The following ATP13A4 variants were observed in gnomAD, a reference collection of about 807,000 sequenced individuals.
The protein encoded by ATP13A4 is probable cation-transporting ATPase 13A4.
In ATP13A4, 114 loss-of-function variants were observed where a neutral mutation model predicts 142.5. The observed-to-expected ratio is 0.80, with a 90% CI of 0.69 to 0.93. The LOEUF is 0.93. ATP13A4 is among the 40% of genes least tolerant of loss of function. ATP13A4 has a pLI of 0.00. For missense variants in ATP13A4, 1,392 were observed against 1,454.0 expected, an observed-to-expected ratio of 0.96 and a Z score of 0.69; for synonymous variants, 488 against 514.8, an observed-to-expected ratio of 0.95 and a Z score of 0.70.
chr3:193,506,671 TG>T (rs1438697397), intron 2 of ATP13A4, among the ~76,000 whole-genome samples: 2 of 152,080 alleles, frequency 1.3e-5, no homozygotes, highest in South Asian at 2.1e-4. Flanking sequence ...AGGGACCCAG[TG>T]GGGGGTAATT....
At chr3:193,542,989 C>A (rs941756405) in intron 1 of ATP13A4, among the ~76,000 whole-genome samples, 6 of 151,980 alleles carry the variant, frequency 3.9e-5, no homozygotes, top group Non-Finnish European at 8.8e-5. Context: ...CATGGTGAAA[C>A]CCTGTCTCTA....
chr3:193,545,322 C>T (rs1045943373), intron 1 of ATP13A4, among the ~76,000 whole-genome samples: 1 of 152,166 alleles, frequency 6.6e-6, no homozygotes, highest in African/African-American at 2.4e-5. Flanking sequence ...TGCATGTGTA[C>T]CCACTGAAAT....
In ATP13A4 at chr3:193,491,301, C is replaced by T. The variant is rs755831561; in HGVS notation, c.603+28G>A. The T allele has an allele frequency of 4.5e-6, 7 of 1,539,898 alleles. 1 individual carries two copies. The South Asian group carries it at 6.7e-5, about 15-fold the overall frequency. ...CCAAACTTCCTTATTTTCTGTCCAA[C>T]ACCAAGAGAAAATGCTGGAGAAATT... On this transcript the variant is annotated intron_variant, in intron 6 of 29. Coordinates refer to ENST00000342695, the MANE Select transcript of ATP13A4 (RefSeq NM_032279.4).
At position 193,466,108 on chromosome 3, in the gene ATP13A4, C is replaced by T. The variant is rs989478973; in HGVS notation, c.1189G>A (p.Asp397Asn). 2.5e-6 allele frequency: 4 copies of T among 1,613,976 alleles called. No homozygotes were observed. In the African/African-American group the frequency reaches 5.3e-5, roughly 22 times the overall value. Reference protein sequence around the residue: ...PKPVNFQLYRDAIRFLLCLVG... With the variant: ...PKPVNFQLYRNAIRFLLCLVG... ...AGGCACAGGAGGAACCTGATGGCATCCCTGTACAACTGAAAATTCACTGGC... is the reference window on the plus strand; with the variant it reads ...AGGCACAGGAGGAACCTGATGGCATTCCTGTACAACTGAAAATTCACTGGC... Residue 397 changes from aspartate (D) to asparagine (N), a missense_variant, in exon 11 of 30, where the codon GAT becomes AAT. Asp to Asn is a conservative substitution (Grantham distance 23). Transcript: ENST00000342695.
intron 1 of ATP13A4, among the ~76,000 whole-genome samples, chr3:193,521,372 T>C (rs2108690655): frequency 6.6e-6 from 1 of 152,262 alleles, no homozygotes; most frequent in East Asian, 1.9e-4. Flanking sequence ...AGAGAATTGG[T>C]AGAATTTTGA....
chr3:193,481,240 C>T (rs1456073797), intron 8 of ATP13A4, among the ~76,000 whole-genome samples: 1 of 151,984 alleles, frequency 6.6e-6, no homozygotes, highest in Non-Finnish European at 1.5e-5. Context: ...TATTCATATA[C>T]CAAAATAAAT....
At chr3:193,425,963 A>C (rs940318088) in intron 25 of ATP13A4, among the ~76,000 whole-genome samples, 1 of 151,852 alleles carries the variant, frequency 6.6e-6, no homozygotes. Flanking sequence ...ACATGTATTG[A>C]AACATCACAT....
In ATP13A4 at chr3:193,452,552, A is replaced by G. The variant is rs1717340931; in HGVS notation, c.2027+1549T>C. Among the ~76,000 whole-genome samples the G allele has an allele frequency of 6.0e-5, 9 of 149,210 alleles. 1 individual carries two copies. The highest frequency in any genetic ancestry group is 6.0e-4 in the Admixed American group (9 of 14,942). ...TCTAAGCAGAAACAGTCCTCCCTCT[A>G]GAGGACATTGTGGAATTTTTTTTTT... On this transcript the variant is annotated intron_variant, in intron 17 of 29. Transcript: ENST00000342695.
At chr3:193,414,981 A>T (rs978167678) in intron 25 of ATP13A4, among the ~76,000 whole-genome samples, 5 of 152,148 alleles carry the variant, frequency 3.3e-5, no homozygotes, top group Admixed American at 6.5e-5. Context: ...AATAGGGAAA[A>T]ACTATTAAAT....
At chr3:193,452,171 A>G (rs1404692859) in intron 17 of ATP13A4, among the ~76,000 whole-genome samples, 1 of 152,184 alleles carries the variant, frequency 6.6e-6, no homozygotes, top group Non-Finnish European at 1.5e-5. Flanking sequence ...AAGCAGCAGC[A>G]TGGTAGCCAG....
intron 3 of ATP13A4, 85 bp from the exon 4 acceptor site, chr3:193,493,245 G>T: frequency 8.8e-7 from 1 of 1,132,458 alleles, no homozygotes; most frequent in Non-Finnish European, 1.3e-6. Flanking sequence ...GCATTTGTTT[G>T]AAAAGCAAAG....
intron 2 of ATP13A4, among the ~76,000 whole-genome samples, chr3:193,576,899 C>G (rs1419586217): frequency 6.6e-6 from 1 of 152,170 alleles, no homozygotes; most frequent in East Asian, 1.9e-4. Flanking sequence ...TTCTAGCAAT[C>G]AAGATAGAAT....
chr3:193,411,386 T>C (rs1421027079), intron 27 of ATP13A4, among the ~76,000 whole-genome samples: 3 of 152,220 alleles, frequency 2.0e-5, no homozygotes, highest in Admixed American at 6.5e-5. Context: ...TGAGTCACTT[T>C]AATGCAAATT....
rs1714550082 is a variant in ATP13A4, at chr3:193,407,371, C to A, written c.3320G>T (p.Trp1107Leu). The A allele has an allele frequency of 6.2e-7, 1 of 1,613,424 alleles. No individual in the cohort carries two copies. Among genetic ancestry groups the A allele is most frequent in the Non-Finnish European group, 8.5e-7 (1 of 1,179,600 alleles). The change falls in exon 29 of 30, where the codon TGG (tryptophan) becomes TTG (leucine). Residue 1107 changes from tryptophan to leucine, a missense_variant. By Grantham distance (61) the Trp-to-Leu change is moderately conservative. Transcript: ENST00000342695. ...GAGCATGATGACAATGGAGGCCCTC[C>A]ACAGGACGGGAGTGCAGAGCAGCTG... ...RLDLLCTPVLWRASIVIMLSL... is the reference protein window; with the variant it reads ...RLDLLCTPVLLRASIVIMLSL...
At chr3:193,466,221 C>G in intron 10 of ATP13A4, 39 bp from the exon 11 acceptor site, 18 of 1,611,848 alleles carry the variant, frequency 1.1e-5, no homozygotes, top group Non-Finnish European at 1.4e-5. Flanking sequence ...CTCAGGAGAC[C>G]AACGCTACTG....
chr3:193,442,230 A>G (rs1456495669), intron 19 of ATP13A4, among the ~76,000 whole-genome samples, 163 bp downstream of exon 19: 4 of 152,210 alleles, frequency 2.6e-5, no homozygotes, highest in Non-Finnish European at 4.4e-5. Context: ...TATACCTTCA[A>G]TCTCTGTATG....
At chr3:193,555,666 TAA>T (rs896719983), upstream of ATP13A4, among the ~76,000 whole-genome samples, 1 of 152,250 alleles carries the variant, frequency 6.6e-6, no homozygotes, top group African/African-American at 2.4e-5. Context: ...CTAAAAAAGT[TAA>T]GTCATATTTG....
At chr3:193,416,928 T>C (rs192427602) in intron 25 of ATP13A4, 1 of 152,140 alleles carries the variant, frequency 6.6e-6, no homozygotes, top group Non-Finnish European at 1.5e-5. Context: ...ATTTGAGCTA[T>C]TAAAAAACAA....
At position 193,466,009 on chromosome 3, in the gene ATP13A4, A is replaced by G. The variant is rs766038044; in HGVS notation, c.1272+16T>C. 2.8e-5 allele frequency: 45 copies of G among 1,613,094 alleles called. No homozygotes were observed. The highest frequency in any genetic ancestry group is 3.3e-4 in the Middle Eastern group (2 of 6,080). ...TGAGTGTGTGTGCATTTAATAAAAG[A>G]GCAAAGACAGCTTACCCCACTAAGC... is the stretch of plus-strand genomic sequence containing the variant. On this transcript the variant is annotated intron_variant, in intron 11 of 29. Coordinates refer to ENST00000342695, the MANE Select transcript of ATP13A4 (RefSeq NM_032279.4).
Sources: gnomAD v4.1 joint callset for allele counts (sites outside exome capture counted in the v4.1 genomes callset) on GRCh38, gnomAD v4.1.1 for gene constraint, MANE v1.5 for transcripts, NCBI Gene and HGNC (gene_info 2026-07-23, HGNC 2026-07-21) for gene names.